The following USP7 variants were observed in gnomAD, a reference collection of about 807,000 sequenced individuals.
USP7 encodes ubiquitin specific peptidase 7, also known as ubiquitin C-terminal hydrolase 7.
A neutral mutation model predicts 162.9 loss-of-function variants in USP7; 9 were observed. That is an observed-to-expected ratio of 0.06 (90% CI 0.03 to 0.10). The LOEUF is 0.10. Among genes scored for constraint, USP7 ranks in the 10% least tolerant of loss-of-function variants. USP7 has a pLI of 1.00. For missense variants in USP7, 715 were observed against 1,373.7 expected, an observed-to-expected ratio of 0.52 and a Z score of 7.58; for synonymous variants, 562 against 475.9, an observed-to-expected ratio of 1.18 and a Z score of -2.35.
intron 15 of USP7, 36 bp from the exon 16 acceptor site, chr16:8,903,438 C>T (rs1287646297): frequency 1.3e-6 from 2 of 1,594,924 alleles, no homozygotes; most frequent in Non-Finnish European, 1.7e-6. Context: ...AAAGACTTGA[C>T]AACTGACAAA....
chr16:8,938,605 C>T (rs143315917), intron 1 of USP7, among the ~76,000 whole-genome samples: 2 of 151,722 alleles, frequency 1.3e-5, no homozygotes, highest in East Asian at 1.9e-4. Flanking sequence ...CCAGCTACTC[C>T]GGAGGCTGAG....
Position 8,893,815 on chromosome 16 carries a change from G to T in USP7, c.*183C>A. ...AGCTTTATAAAAACATCTTCATTTT[G>T]CTCAAAAAGGGCAGTCAATAGATAC... On this transcript the variant is annotated 3_prime_UTR_variant, in exon 31 of 31. Transcript: ENST00000344836. 1.7e-6 allele frequency: 1 copy of T among 583,124 alleles called. No individual in the cohort carries two copies. The highest frequency in any genetic ancestry group is 3.1e-6 in the Non-Finnish European group (1 of 324,604). The allele number at this position is 583,124 out of a possible 1,614,324, so 36.1% of individuals were successfully genotyped here. A position where few individuals can be genotyped will look rare whatever the true frequency, so the allele number is the denominator to read the frequency against.
At chr16:8,895,240 G>A in intron 27 of USP7, 90 bp from the exon 28 acceptor site, 5 of 1,589,698 alleles carry the variant, frequency 3.1e-6, no homozygotes, top group Non-Finnish European at 4.3e-6. Context: ...CTCTAACCCG[G>A]AGGGTAAAGC....
intron 1 of USP7, among the ~76,000 whole-genome samples, chr16:8,947,019 A>C (rs1042681618): frequency 6.6e-6 from 1 of 152,182 alleles, no homozygotes; most frequent in African/African-American, 2.4e-5. Flanking sequence ...TTAAGTTACC[A>C]CTTGTTTTGC....
chr16:8,950,528 G>C (rs947959197), intron 1 of USP7, among the ~76,000 whole-genome samples: 3 of 152,184 alleles, frequency 2.0e-5, no homozygotes, highest in Non-Finnish European at 4.4e-5. Flanking sequence ...ACCCCAACTT[G>C]AGAACACTGA....
At chr16:8,903,517 T>C in intron 15 of USP7, 115 bp from the exon 16 acceptor site, 1 of 1,289,578 alleles carries the variant, frequency 7.8e-7, no homozygotes, top group Non-Finnish European at 1.0e-6. Context: ...CCAAAGAAAC[T>C]TCTTCAGAAG....
intron 10 of USP7, 44 bp from the exon 11 acceptor site, chr16:8,910,871 T>A (rs759752579): frequency 6.7e-7 from 1 of 1,496,796 alleles, no homozygotes; most frequent in African/African-American, 1.4e-5. Context: ...AAGCTTCATT[T>A]ATAATGTAGC....
rs1220462774 is a variant in USP7 at position 8,912,780 on chromosome 16, A to G, written c.1079-1953T>C. On this transcript the variant is annotated intron_variant, in intron 10 of 30. Transcript: ENST00000344836. The stretch of plus-strand genomic sequence containing the variant: ...CTCCAAATAATTATAATTAATTGAT[A>G]AATACATAGAAAAAAAAGAAGAGAT... Among the ~76,000 whole-genome samples the G allele has an allele frequency of 2.6e-5, 4 of 152,232 alleles. No individual in the cohort carries two copies. The South Asian group carries it at 8.3e-4, about 32-fold the overall frequency.
intron 1 of USP7, among the ~76,000 whole-genome samples, chr16:8,940,030 G>A (rs557714467): frequency 2.0e-5 from 3 of 152,180 alleles, no homozygotes; most frequent in East Asian, 1.9e-4. Flanking sequence ...CCAGGGAGGC[G>A]AAGGTTGTAG....
intron 14 of USP7, 87 bp downstream of exon 14, chr16:8,905,100 T>C (rs2061839241): frequency 6.6e-7 from 1 of 1,507,924 alleles, no homozygotes; most frequent in Non-Finnish European, 9.2e-7. Flanking sequence ...TAAAATGTGT[T>C]TGGACAGAAA....
chr16:8,899,150 T>G lies in USP7; in HGVS notation c.2502A>C (p.Pro834=). The stretch of plus-strand genomic sequence containing the variant: ...GAGACTTGAAAAACTGCAGCAACAT[T>G]GGATCTGTGTTGAGCCTCTGTGCAA... The part of the protein sequence containing the change: ...KTVAQRLNTD[P]MLLQFFKSQG... Residue 834 remains proline (P), a synonymous_variant, in exon 23 of 31, where the codon CCA becomes CCC. Coordinates refer to ENST00000344836, the MANE Select transcript of USP7 (RefSeq NM_003470.3). 1 of 1,614,144 alleles carries G rather than the reference T, an allele frequency of 6.2e-7. No individual in the cohort carries two copies. Among genetic ancestry groups the G allele is most frequent in the East Asian group, 2.2e-5 (1 of 44,882 alleles).
At chr16:8,895,993 C>G (rs1465921773) in intron 26 of USP7, among the ~76,000 whole-genome samples, 1 of 152,048 alleles carries the variant, frequency 6.6e-6, no homozygotes, top group African/African-American at 2.4e-5. Flanking sequence ...CGTGCCACCA[C>G]ACTGGGCTGA....
At chr16:8,952,886 G>C (rs1160966739) in intron 1 of USP7, among the ~76,000 whole-genome samples, 2 of 151,692 alleles carry the variant, frequency 1.3e-5, no homozygotes, top group African/African-American at 4.8e-5. Context: ...GCCCAGGCTA[G>C]AGTGCACTGG....
chr16:8,906,875 C>T (rs1361460679), intron 12 of USP7, among the ~76,000 whole-genome samples: 1 of 152,170 alleles, frequency 6.6e-6, no homozygotes, highest in Non-Finnish European at 1.5e-5. Context: ...AACTGAGAAA[C>T]ATGAAAAATC....
chr16:8,895,500 G>T, intron 27 of USP7, 142 bp downstream of exon 27: 1 of 788,960 alleles, frequency 1.3e-6, no homozygotes, highest in Non-Finnish European at 2.1e-6. Context: ...AACACTGTAG[G>T]TCCACTCATG....
intron 21 of USP7, among the ~76,000 whole-genome samples, chr16:8,900,297 C>T (rs1167522112): frequency 2.6e-5 from 4 of 152,152 alleles, no homozygotes; most frequent in African/African-American, 7.2e-5. Flanking sequence ...ATAGTTGCCA[C>T]GTGCACTTGA....
At chr16:8,897,584 T>C (rs1596350007) in intron 25 of USP7, among the ~76,000 whole-genome samples, 1 of 150,074 alleles carries the variant, frequency 6.7e-6, no homozygotes, top group South Asian at 2.1e-4. Flanking sequence ...GCAGACTTTT[T>C]TGAAGAACCA....
At chr16:8,933,097 C>T (rs939589307) in intron 1 of USP7, among the ~76,000 whole-genome samples, 6 of 152,204 alleles carry the variant, frequency 3.9e-5, no homozygotes, top group South Asian at 2.1e-4. Flanking sequence ...TGTACCACCA[C>T]GCTTGGCTAA....
chr16:8,932,607 C>T (rs544930960), intron 1 of USP7, among the ~76,000 whole-genome samples: 3 of 105,662 alleles, frequency 2.8e-5, no homozygotes, highest in South Asian at 3.9e-4. Flanking sequence ...AATATACATG[C>T]TAAATTTAAA....
Sources: gnomAD v4.1 joint callset for allele counts (sites outside exome capture counted in the v4.1 genomes callset) on GRCh38, gnomAD v4.1.1 for gene constraint, MANE v1.5 for transcripts, NCBI Gene and HGNC (gene_info 2026-07-23, HGNC 2026-07-21) for gene names.